RBBP8NL: variants seen among roughly 807,000 people sequenced by gnomAD.
The protein encoded by RBBP8NL is RBBP8 N-terminal like.
RBBP8NL carries 59 observed loss-of-function variants against 62.2 expected under a neutral mutation model. The ratio of observed to expected loss-of-function variants is 0.95; its 90% CI spans 0.77 to 1.18. RBBP8NL has a LOEUF of 1.18. RBBP8NL is among the 50% of genes most tolerant of loss of function. The pLI is 0.00. For missense variants in RBBP8NL, 896 were observed against 899.5 expected, an observed-to-expected ratio of 1.00 and a Z score of 0.05; for synonymous variants, 412 against 394.1, an observed-to-expected ratio of 1.05 and a Z score of -0.54.
At position 62,412,907 on chromosome 20, in the gene RBBP8NL, G is replaced by A. The variant is rs577333177; in HGVS notation, c.1676-7C>T. The A allele has an allele frequency of 2.5e-6, 4 of 1,612,808 alleles. No individual in the cohort carries two copies. The highest frequency in any genetic ancestry group is 1.7e-5 in the Admixed American group (1 of 60,006). On this transcript the variant is annotated splice_region_variant and splice_polypyrimidine_tract_variant and intron_variant, in intron 11 of 13. Coordinates refer to ENST00000252998, the MANE Select transcript of RBBP8NL (RefSeq NM_080833.3). The stretch of plus-strand genomic sequence containing the variant: ...ACTTCAGCCTTGCTGGGCTCTGAAG[G>A]ATGCAGAGTGTGGGGTCAGGCCAGG...
chr20:62,422,799 T>C (rs1988736445), intron 1 of RBBP8NL, among the ~76,000 whole-genome samples: 2 of 152,040 alleles, frequency 1.3e-5, no homozygotes, highest in Admixed American at 1.3e-4. Context: ...GGACAGAGTG[T>C]GGCCTGTGTT....
intron 1 of RBBP8NL, among the ~76,000 whole-genome samples, chr20:62,423,394 C>A (rs1353881734): frequency 6.6e-6 from 1 of 152,162 alleles, no homozygotes; most frequent in Non-Finnish European, 1.5e-5. Flanking sequence ...GCTGCACTGG[C>A]TTTTCCTGGC....
At chr20:62,421,563 CCA>C (rs1988701334) in intron 1 of RBBP8NL, among the ~76,000 whole-genome samples, 4 of 144,772 alleles carry the variant, frequency 2.8e-5, no homozygotes, top group East Asian at 2.1e-4. Flanking sequence ...TGTGTGTATG[CCA>C]TGTGTGTGCA....
chr20:62,416,735 C>T (rs373376761), intron 5 of RBBP8NL, 25 bp downstream of exon 5: 85 of 1,522,920 alleles, frequency 5.6e-5, no homozygotes, highest in African/African-American at 1.4e-4. Flanking sequence ...GAGAGGACCC[C>T]GGTTGTCTGG....
Position 62,413,498 on chromosome 20 carries a change from T to G in RBBP8NL, c.1578A>C (p.Pro526=). 1 of 1,517,140 alleles carries G rather than the reference T, an allele frequency of 6.6e-7. No individual in the cohort carries two copies. The highest frequency in any genetic ancestry group is 8.8e-7 in the Non-Finnish European group (1 of 1,139,642). The allele number at this position is 1,517,140 out of a possible 1,614,324, so 94.0% of individuals were successfully genotyped here. Residue 526 remains proline (P), a synonymous_variant, in exon 11 of 14, where the codon CCA becomes CCC. Transcript: ENST00000252998. ...CTGTGTCTTCATCTTCTGTACTGCC[T>G]GGAGAGGACAGGCTGAGCTGGGACC... is the stretch of plus-strand genomic sequence containing the variant. The part of the protein sequence containing the change: ...LPGSQLSLSS[P]GSTEDEDTGR...
At chr20:62,415,695 A>G in intron 7 of RBBP8NL, 35 bp from the exon 8 acceptor site, 2 of 1,610,648 alleles carry the variant, frequency 1.2e-6, no homozygotes, top group African/African-American at 1.3e-5. Context: ...AGAGCTTGGG[A>G]GGTGCTCAGA....
chr20:62,413,579 T>A, intron 10 of RBBP8NL, 34 bp from the exon 11 acceptor site: 5 of 1,502,468 alleles, frequency 3.3e-6, no homozygotes, highest in Non-Finnish European at 4.4e-6. Flanking sequence ...TTGAGTTTAT[T>A]TGGGAGACTT....
rs1044922932 is a variant in RBBP8NL at position 62,415,214 on chromosome 20, G to T, written c.701C>A (p.Ala234Asp). 4 of 1,527,540 alleles carry T rather than the reference G, an allele frequency of 2.6e-6. No individual in the cohort carries two copies. Among genetic ancestry groups the T allele is most frequent in the Non-Finnish European group, 3.5e-6 (4 of 1,137,938 alleles). The allele number at this position is 1,527,540 out of a possible 1,614,324, so 94.6% of individuals were successfully genotyped here. A position where few individuals can be genotyped will look rare whatever the true frequency, so the allele number is the denominator to read the frequency against. Reference protein sequence around the residue: ...VVRPGSQACPADRGPANGTPP... With the variant: ...VVRPGSQACPDDRGPANGTPP... Reference sequence around the variant, plus strand: ...CGTCCCATTGGCGGGGCCTCGGTCGGCAGGGCAAGCCTGGGACCCAGGCCG... The same window carrying T: ...CGTCCCATTGGCGGGGCCTCGGTCGTCAGGGCAAGCCTGGGACCCAGGCCG... The change falls in exon 9 of 14, where the codon GCC becomes GAC. Residue 234 changes from alanine to aspartate, a missense_variant. Transcript: ENST00000252998.
chr20:62,416,284 G>T, intron 5 of RBBP8NL, 48 bp from the exon 6 acceptor site: 1 of 1,267,320 alleles, frequency 7.9e-7, no homozygotes, highest in East Asian at 2.5e-5. Context: ...GGGGGGGACA[G>T]GGGCAGGGGT....
rs201198190 is a variant in RBBP8NL, at chr20:62,410,926, G to A, written c.1947C>T (p.Ala649=). ...TGTTGGGGGAGGGACTGTGGTCCTC[G>A]GCGTCCCTTGGGCTCCCGGGCCCCT... is the stretch of plus-strand genomic sequence containing the variant. The part of the protein sequence containing the change: ...ATEGPGSPRD[A]EDHSPSPNSS... Residue 649 remains alanine (A), a synonymous_variant, in exon 14 of 14, where the codon GCC becomes GCT. Coordinates refer to ENST00000252998, the MANE Select transcript of RBBP8NL (RefSeq NM_080833.3). 2.1e-5 allele frequency: 34 copies of A among 1,613,602 alleles called. No individual in the cohort carries two copies. Among genetic ancestry groups the A allele is most frequent in the East Asian group, 1.8e-4 (8 of 44,874 alleles).
At chr20:62,416,384 G>GGCT (rs1988567231) in intron 5 of RBBP8NL, 148 bp from the exon 6 acceptor site, 6 of 717,284 alleles carry the variant, frequency 8.4e-6, no homozygotes, top group Admixed American at 2.1e-5. Context: ...CGTGGATGCT[G>GGCT]GCTGCGTGCA....
intron 8 of RBBP8NL, 75 bp from the exon 9 acceptor site, chr20:62,415,362 G>C (rs1988538844): frequency 6.7e-7 from 1 of 1,484,570 alleles, no homozygotes; most frequent in South Asian, 1.3e-5. Flanking sequence ...AGCCTCTGCT[G>C]CCTGCCCTGG....
intron 1 of RBBP8NL, among the ~76,000 whole-genome samples, chr20:62,423,160 G>A (rs915710838): frequency 4.6e-5 from 7 of 152,112 alleles, no homozygotes; most frequent in African/African-American, 1.7e-4. Context: ...CCTGTTTCCC[G>A]AACTCCGTAC....
intron 13 of RBBP8NL, 44 bp from the exon 14 acceptor site, chr20:62,411,040 CT>C (rs1569022663): frequency 1.5e-6 from 2 of 1,319,196 alleles, no homozygotes; most frequent in Non-Finnish European, 2.2e-6. Flanking sequence ...GTGTGCCTTC[CT>C]TTGAGGCAAC....
intron 1 of RBBP8NL, among the ~76,000 whole-genome samples, chr20:62,422,834 G>C (rs1251679227): frequency 6.6e-6 from 1 of 152,124 alleles, no homozygotes; most frequent in Non-Finnish European, 1.5e-5. Flanking sequence ...GCGTCCCCAG[G>C]GGCCCCTGAC....
Position 62,415,647 on chromosome 20 carries a change from C to A in RBBP8NL, c.558G>T (p.Gly186=). ...VGLRGEEKPA[G]HRTSPVAKIS... Reference sequence around the variant, plus strand: ...TTTTGGCCACTGGAGATGTCCTGTGCCCTGCTGGCTTTTCTGTGGGAGGAG... The same window carrying A: ...TTTTGGCCACTGGAGATGTCCTGTGACCTGCTGGCTTTTCTGTGGGAGGAG... The change falls in exon 8 of 14, where the codon GGG becomes GGT. Residue 186 remains glycine, a synonymous_variant. Coordinates refer to ENST00000252998, the MANE Select transcript of RBBP8NL (RefSeq NM_080833.3). 1 of 1,612,958 alleles carries A rather than the reference C, an allele frequency of 6.2e-7. No individual in the cohort carries two copies. The highest frequency in any genetic ancestry group is 1.1e-5 in the South Asian group (1 of 91,084).
chr20:62,412,513 T>C, intron 13 of RBBP8NL, 111 bp downstream of exon 13: 1 of 1,418,860 alleles, frequency 7.0e-7, no homozygotes, highest in Non-Finnish European at 9.6e-7. Context: ...GGCTCCATCA[T>C]TCTGAGGCTG....
At chr20:62,420,907 C>A (rs139295648) in intron 1 of RBBP8NL, among the ~76,000 whole-genome samples, 1 of 152,282 alleles carries the variant, frequency 6.6e-6, no homozygotes, top group Non-Finnish European at 1.5e-5. Flanking sequence ...CCTTTGCAGG[C>A]TGGGCCTGGG....
At chr20:62,411,132 GT>G in intron 13 of RBBP8NL, 136 bp from the exon 14 acceptor site, 1 of 669,356 alleles carries the variant, frequency 1.5e-6, no homozygotes, top group South Asian at 1.8e-5. Context: ...GGCCACCCTT[GT>G]TCCTACAGAA....
Sources: gnomAD v4.1 joint callset for allele counts (sites outside exome capture counted in the v4.1 genomes callset) on GRCh38, gnomAD v4.1.1 for gene constraint, MANE v1.5 for transcripts, NCBI Gene and HGNC (gene_info 2026-07-23, HGNC 2026-07-21) for gene names.